TAF4: variants seen among roughly 807,000 people sequenced by gnomAD.
The protein encoded by TAF4 is transcription initiation factor TFIID subunit 4.
TAF4 carries 9 observed loss-of-function variants against 90.3 expected under a neutral mutation model. That is an observed-to-expected ratio of 0.10 (90% CI 0.06 to 0.17). TAF4 has a LOEUF of 0.17. TAF4 is among the 10% of genes least tolerant of loss of function. The pLI is 1.00. For missense variants in TAF4, 1,351 were observed against 1,370.7 expected, an observed-to-expected ratio of 0.99 and a Z score of 0.23; for synonymous variants, 818 against 638.9, an observed-to-expected ratio of 1.28 and a Z score of -4.23.
At chr20:62,044,345 A>G (rs527537319) in intron 1 of TAF4, among the ~76,000 whole-genome samples, 1 of 152,372 alleles carries the variant, frequency 6.6e-6, no homozygotes, top group Admixed American at 6.5e-5. Context: ...TAGGAGAAAA[A>G]GAATATATGT....
At chr20:62,048,954 A>C (rs1600861200) in intron 1 of TAF4, among the ~76,000 whole-genome samples, 1 of 82,782 alleles carries the variant, frequency 1.2e-5, no homozygotes, top group Non-Finnish European at 2.3e-5. Context: ...CTCTCCCTGC[A>C]TGCCCACCTC....
At chr20:62,009,277 T>C in intron 4 of TAF4, 103 bp from the exon 5 acceptor site, 1 of 1,178,418 alleles carries the variant, frequency 8.5e-7, no homozygotes, top group South Asian at 1.7e-5. Flanking sequence ...ATACATATAT[T>C]TCTTCTCTAA....
intron 1 of TAF4, among the ~76,000 whole-genome samples, chr20:62,034,827 C>CTTTTCTTTTTTTT (rs555793597): frequency 7.1e-6 from 1 of 141,808 alleles, no homozygotes; most frequent in Non-Finnish European, 1.5e-5. Context: ...TCATAGATTT[C>CTTTTCTTTTTTTT]TTTTTTTTTT....
At chr20:61,989,177 C>G (rs1263319613) in intron 14 of TAF4, among the ~76,000 whole-genome samples, 2 of 152,114 alleles carry the variant, frequency 1.3e-5, no homozygotes, top group Non-Finnish European at 2.9e-5. Context: ...GCACACCACA[C>G]ACTCCCCTAC....
At chr20:62,023,848 C>A (rs566006551) in intron 1 of TAF4, among the ~76,000 whole-genome samples, 32 of 151,762 alleles carry the variant, frequency 2.1e-4, no homozygotes, top group Non-Finnish European at 3.8e-4. Flanking sequence ...TCTGGGAGGC[C>A]AAGGCAGGCG....
chr20:62,055,915 C>T (rs547112438), intron 1 of TAF4, among the ~76,000 whole-genome samples: 4 of 152,286 alleles, frequency 2.6e-5, no homozygotes, highest in Admixed American at 2.6e-4. Flanking sequence ...ATCAGCCTTC[C>T]CCCGTGGCCC....
At chr20:62,022,533 C>T (rs556229607) in intron 1 of TAF4, among the ~76,000 whole-genome samples, 76 of 152,374 alleles carry the variant, frequency 5.0e-4, no homozygotes, top group Non-Finnish European at 8.1e-4. Flanking sequence ...ATGCTACCAG[C>T]TGGGACCAGT....
chr20:62,014,453 G>C lies in TAF4; in HGVS notation c.1521+94C>G, dbSNP rs2055801545. 11 of 1,426,054 alleles carry C rather than the reference G, an allele frequency of 7.7e-6. 2 individuals carry two copies. Among genetic ancestry groups the C allele is most frequent in the South Asian group, 1.5e-5 (1 of 67,420 alleles). The allele number at this position is 1,426,054 out of a possible 1,614,324, so 88.3% of individuals were successfully genotyped here. A position where few individuals can be genotyped will look rare whatever the true frequency, so the allele number is the denominator to read the frequency against. On this transcript the variant is annotated intron_variant, in intron 2 of 14. Transcript: ENST00000252996. Reference sequence around the variant, plus strand: ...CACACTTCCCAGTCCTCACTCCCATGGCTGTGCCTGGCCCTTGCAGGTTTC... The same window carrying C: ...CACACTTCCCAGTCCTCACTCCCATCGCTGTGCCTGGCCCTTGCAGGTTTC...
chr20:61,995,735 C>T lies in TAF4; in HGVS notation c.3090+1815G>A, dbSNP rs1258143776. On this transcript the variant is annotated intron_variant, in intron 14 of 14. Transcript: ENST00000252996. ...AAAATTAGCCGGGCGCGGTGGCGGG[C>T]GCCTGTAGTCCCAGCTACTGGGGAG... is the stretch of plus-strand genomic sequence containing the variant. Among the ~76,000 whole-genome samples the T allele has an allele frequency of 6.1e-5, 4 of 65,524 alleles. 2 individuals carry two copies. Among genetic ancestry groups the T allele is most frequent in the African/African-American group, 1.6e-4 (2 of 12,650 alleles). 43.0% of individuals were successfully genotyped at this position (65,524 alleles called of 152,430 possible).
Position 61,995,524 on chromosome 20 carries a change from T to C in TAF4, c.3090+2026A>G, listed in dbSNP as rs557075466. On this transcript the variant is annotated intron_variant, in intron 14 of 14. Coordinates refer to ENST00000252996, the MANE Select transcript of TAF4 (RefSeq NM_003185.4). The stretch of plus-strand genomic sequence containing the variant: ...CAGGGCAGCATCAACAGGTCTAACA[T>C]ACATGTAACTGGAGCCCCAGCAGAA... 2.0e-5 allele frequency among the ~76,000 whole-genome samples: 3 copies of C among 152,112 alleles called. No homozygotes were observed. In the East Asian group the frequency reaches 5.8e-4, roughly 29 times the overall value.
Position 61,996,569 on chromosome 20 carries a change from G to A in TAF4, c.3090+981C>T, listed in dbSNP as rs545889493. On this transcript the variant is annotated intron_variant, in intron 14 of 14. Transcript: ENST00000252996. ...TAATCCCAGCACTTTGGGAGGCCGA[G>A]GTGGGCAGATCATGAGATCAAGAGA... 7.2e-5 allele frequency among the ~76,000 whole-genome samples: 11 copies of A among 152,218 alleles called. No homozygotes were observed. In the South Asian group the frequency reaches 2.3e-3, roughly 32 times the overall value.
rs1156694722 is a variant in TAF4, at chr20:62,004,326, TTC to T, written c.2224-450_2224-449del. On this transcript the variant is annotated intron_variant, in intron 7 of 14. Coordinates refer to ENST00000252996, the MANE Select transcript of TAF4 (RefSeq NM_003185.4). ...TCTGAATTTTCTTTTTTCTTTTCTT[TTC>T]TTTTTTTTTTTTTTTTTGAGACAAG... Among the ~76,000 whole-genome samples, 51 of 125,366 alleles carry T rather than the reference TTC, an allele frequency of 4.1e-4. No individual in the cohort carries two copies. In the East Asian group the frequency reaches 6.4e-3, roughly 16 times the overall value. The allele number at this position is 125,366 out of a possible 152,430, so 82.2% of individuals were successfully genotyped here.
intron 1 of TAF4, among the ~76,000 whole-genome samples, chr20:62,031,155 T>G (rs2055902128): frequency 1.3e-5 from 2 of 152,124 alleles, no homozygotes; most frequent in South Asian, 4.1e-4. Flanking sequence ...TTTTCTCAGG[T>G]TTCTAAAATC....
intron 1 of TAF4, among the ~76,000 whole-genome samples, chr20:62,035,969 G>T (rs1310037343): frequency 6.7e-6 from 1 of 149,670 alleles, no homozygotes; most frequent in South Asian, 2.1e-4. Flanking sequence ...TAAAGGAAAA[G>T]AAGTTAAATG....
In TAF4 at chr20:62,003,855, T is replaced by C. The variant is rs1178161861; in HGVS notation, c.2247A>G (p.Pro749=). 1.3e-6 allele frequency: 2 copies of C among 1,583,530 alleles called. No individual in the cohort carries two copies. Among genetic ancestry groups the C allele is most frequent in the Non-Finnish European group, 8.6e-7 (1 of 1,166,856 alleles). The change falls in exon 8 of 15, where the codon CCA becomes CCG. Residue 749 remains proline (P), a synonymous_variant. Coordinates refer to ENST00000252996, the MANE Select transcript of TAF4 (RefSeq NM_003185.4). Reference sequence around the variant, plus strand: ...CCTGCGGGGGCCGGATCAGGGCTCCTGGCTTCGGAGGCTGCTGGATGACCT... The same window carrying C: ...CCTGCGGGGGCCGGATCAGGGCTCCCGGCTTCGGAGGCTGCTGGATGACCT... ...TPLVIQQPPK[P]GALIRPPQVT... is the part of the protein sequence containing the mutation.
chr20:62,048,806 A>G (rs881993), intron 1 of TAF4, among the ~76,000 whole-genome samples: 87,506 of 126,124 alleles, frequency 0.69, 30,163 homozygotes, highest in Middle Eastern at 0.79. Flanking sequence ...TCAGTCACCA[A>G]GCTCCGTACA....
At chr20:62,046,646 G>A (rs1176419095) in intron 1 of TAF4, among the ~76,000 whole-genome samples, 3 of 152,182 alleles carry the variant, frequency 2.0e-5, no homozygotes, top group Admixed American at 2.0e-4. Context: ...TGGGGCTGCC[G>A]CACACGGTCA....
chr20:61,996,676 A>G (rs1228570597), intron 14 of TAF4, among the ~76,000 whole-genome samples: 3 of 150,232 alleles, frequency 2.0e-5, no homozygotes, highest in African/African-American at 2.5e-5. Context: ...GCACACGTCT[A>G]TAGTCCCAGC....
chr20:62,018,571 C>T (rs2055825568), intron 1 of TAF4, among the ~76,000 whole-genome samples: 1 of 152,222 alleles, frequency 6.6e-6, no homozygotes, highest in South Asian at 2.1e-4. Flanking sequence ...GCCCCCACCC[C>T]GCCCCACAGA....
Sources: gnomAD v4.1 joint callset for allele counts (sites outside exome capture counted in the v4.1 genomes callset) on GRCh38, gnomAD v4.1.1 for gene constraint, MANE v1.5 for transcripts, NCBI Gene and HGNC (gene_info 2026-07-23, HGNC 2026-07-21) for gene names.